The following ANO10 variants were observed in gnomAD, a reference collection of about 807,000 sequenced individuals.
ANO10 encodes the protein anoctamin 10.
ANO10 carries 77 observed loss-of-function variants against 74.7 expected under a neutral mutation model. The observed-to-expected ratio is 1.03, with a 90% CI of 0.86 to 1.25. The LOEUF is 1.25. Among genes scored for constraint, ANO10 ranks in the 50% most tolerant of loss-of-function variants. The pLI is 0.00. For synonymous variants in ANO10, 279 were observed against 284.9 expected, an observed-to-expected ratio of 0.98 and a Z score of 0.21; for missense variants, 721 against 778.1, an observed-to-expected ratio of 0.93 and a Z score of 0.87.
chr3:43,456,409 C>A (rs2075129552), intron 11 of ANO10, among the ~76,000 whole-genome samples: 1 of 152,184 alleles, frequency 6.6e-6, no homozygotes, highest in Non-Finnish European at 1.5e-5. Flanking sequence ...TTGCACACAT[C>A]CACAAAGAAG....
At chr3:43,458,134 A>G (rs1023871273) in intron 11 of ANO10, among the ~76,000 whole-genome samples, 1 of 152,194 alleles carries the variant, frequency 6.6e-6, no homozygotes, top group Non-Finnish European at 1.5e-5. Flanking sequence ...GGGAGATGAC[A>G]ATATATCCCC....
At chr3:43,579,671 A>C (rs1236140629) in intron 5 of ANO10, among the ~76,000 whole-genome samples, 2 of 152,174 alleles carry the variant, frequency 1.3e-5, no homozygotes, top group Non-Finnish European at 2.9e-5. Flanking sequence ...GTGAGGTGAG[A>C]TTGTACCATT....
chr3:43,559,008 C>T (rs1025603343), intron 9 of ANO10, among the ~76,000 whole-genome samples: 3 of 152,202 alleles, frequency 2.0e-5, no homozygotes, highest in Non-Finnish European at 2.9e-5. Context: ...CATCAGAGAA[C>T]CTGTGGTGTA....
intron 3 of ANO10, 125 bp from the exon 4 acceptor site, chr3:43,598,791 A>T (rs1291133436): frequency 5.1e-6 from 4 of 776,930 alleles, no homozygotes; most frequent in Non-Finnish European, 7.9e-6. Flanking sequence ...TCAAAGTATG[A>T]AGCTGGTAAA....
At chr3:43,464,897 T>C (rs1425967591) in intron 11 of ANO10, among the ~76,000 whole-genome samples, 3 of 152,158 alleles carry the variant, frequency 2.0e-5, no homozygotes, top group Non-Finnish European at 2.9e-5. Flanking sequence ...ACTAACATCA[T>C]ACTTAATGGT....
At chr3:43,407,649 C>T (rs960925897) in intron 12 of ANO10, among the ~76,000 whole-genome samples, 5 of 152,214 alleles carry the variant, frequency 3.3e-5, no homozygotes, top group South Asian at 2.1e-4. Flanking sequence ...AGAGAAGAAA[C>T]GCTCTGGTTG....
chr3:43,497,593 A>C (rs1459570107), intron 11 of ANO10, among the ~76,000 whole-genome samples: 2 of 152,076 alleles, frequency 1.3e-5, no homozygotes, highest in African/African-American at 4.8e-5. Context: ...ACCCTACTGA[A>C]TCTTTGGGAA....
intron 1 of ANO10, among the ~76,000 whole-genome samples, chr3:43,632,571 ATT>A (rs921440468): frequency 6.6e-5 from 10 of 152,256 alleles, no homozygotes; most frequent in Non-Finnish European, 1.3e-4. Context: ...TTGCTCACAC[ATT>A]TGTGAATAGT....
chr3:43,511,970 CA>C (rs1248365158), intron 11 of ANO10, among the ~76,000 whole-genome samples: 1 of 152,156 alleles, frequency 6.6e-6, no homozygotes, highest in African/African-American at 2.4e-5. Context: ...TCTAAAGCAG[CA>C]GAGTCTTGTC....
At chr3:43,392,925 G>A (rs528002439) in intron 12 of ANO10, among the ~76,000 whole-genome samples, 11 of 152,266 alleles carry the variant, frequency 7.2e-5, no homozygotes, top group African/African-American at 2.6e-4. Context: ...AATCCAAGGG[G>A]GCATTTCCTG....
intron 11 of ANO10, among the ~76,000 whole-genome samples, chr3:43,461,788 A>C (rs1409525923): frequency 6.6e-6 from 1 of 152,196 alleles, no homozygotes; most frequent in Non-Finnish European, 1.5e-5. Context: ...CAGCATGAAA[A>C]TGGACTAATA....
At chr3:43,617,123 C>T (rs2083149367) in intron 1 of ANO10, among the ~76,000 whole-genome samples, 2 of 148,880 alleles carry the variant, frequency 1.3e-5, no homozygotes, top group African/African-American at 5.0e-5. Context: ...CTACTTTTAC[C>T]AGAGGGTCTT....
At chr3:43,621,335 T>C (rs2083381265) in intron 1 of ANO10, among the ~76,000 whole-genome samples, 1 of 152,094 alleles carries the variant, frequency 6.6e-6, no homozygotes, top group Non-Finnish European at 1.5e-5. Context: ...CTGTACAGTA[T>C]GTCCCAGTCA....
intron 12 of ANO10, among the ~76,000 whole-genome samples, chr3:43,383,060 G>A (rs1159680015): frequency 2.0e-5 from 3 of 151,964 alleles, no homozygotes; most frequent in African/African-American, 7.3e-5. Flanking sequence ...AACCAGGAAA[G>A]GACATAAAAA....
chr3:43,630,677 T>C (rs1182601878), intron 1 of ANO10, among the ~76,000 whole-genome samples: 1 of 152,228 alleles, frequency 6.6e-6, no homozygotes, highest in Non-Finnish European at 1.5e-5. Flanking sequence ...AACTCATTCA[T>C]TTCCCTAAGA....
chr3:43,503,945 G>A (rs778301309), intron 11 of ANO10, among the ~76,000 whole-genome samples: 1 of 151,978 alleles, frequency 6.6e-6, no homozygotes, highest in Non-Finnish European at 1.5e-5. Context: ...TTTCAGTCTT[G>A]TTATATAACA....
chr3:43,451,859 G>C (rs2074892386), intron 11 of ANO10, among the ~76,000 whole-genome samples: 1 of 152,158 alleles, frequency 6.6e-6, no homozygotes, highest in African/African-American at 2.4e-5. Flanking sequence ...AGTCACAAAA[G>C]ATTTTTGGAA....
intron 1 of ANO10, among the ~76,000 whole-genome samples, chr3:43,620,780 A>G (rs1438091678): frequency 6.6e-6 from 1 of 152,232 alleles, no homozygotes; most frequent in Non-Finnish European, 1.5e-5. Context: ...AAACAAAAAG[A>G]AAAAAGTTTC....
At chr3:43,450,219 G>A (rs1478289813) in intron 11 of ANO10, among the ~76,000 whole-genome samples, 1 of 152,094 alleles carries the variant, frequency 6.6e-6, no homozygotes. Context: ...TTTACAGCAT[G>A]AAAAATCTGA....
Sources: allele counts gnomAD v4.1 joint callset (sites outside exome capture counted in the v4.1 genomes callset), GRCh38; gene constraint gnomAD v4.1.1; transcripts MANE v1.5; gene names NCBI Gene and HGNC (gene_info 2026-07-23, HGNC 2026-07-21).